The following GULP1 variants were observed in gnomAD, a reference collection of about 807,000 sequenced individuals.
The protein encoded by GULP1 is PTB domain-containing engulfment adapter protein 1.
GULP1 carries 19 observed loss-of-function variants against 40.9 expected under a neutral mutation model. The observed-to-expected ratio is 0.46, with a 90% confidence interval of 0.32 to 0.68. The LOEUF is 0.68. GULP1 is among the 30% of genes least tolerant of loss of function. The probability of loss-of-function intolerance (pLI) is 0.03; values close to 1 mark genes in which losing one functional copy is unlikely to be tolerated. For synonymous variants in GULP1, 119 were observed against 117.6 expected (o/e 1.01, Z -0.08); for missense variants, 312 against 362.2 (o/e 0.86, Z 1.12).
At chr2:188,587,092 G>T (rs572236918) in intron 10 of GULP1, among the ~76,000 whole-genome samples, 19 of 152,044 alleles carry the variant, frequency 1.2e-4, no homozygotes, top group South Asian at 4.1e-4. Context: ...TCAGAGGAAA[G>T]AAATTTCTTA....
rs567387723 is a variant in GULP1 at position 188,497,373 on chromosome 2, A to G, written c.90+13881A>G. Reference sequence around the variant, plus strand: ...TAGTAAATGGTCCAAACAACAGGACATTAATTGACTAAGTGGGTGCAGTGT... The same window carrying G: ...TAGTAAATGGTCCAAACAACAGGACGTTAATTGACTAAGTGGGTGCAGTGT... On this transcript the variant is annotated intron_variant, in intron 4 of 11. Transcript: ENST00000409830. 2.6e-5 allele frequency among the ~76,000 whole-genome samples: 4 copies of G among 152,188 alleles called. No homozygotes were observed. The East Asian group carries it at 7.8e-4, about 30-fold the overall frequency.
At chr2:188,507,008 C>T (rs2063982567) in intron 4 of GULP1, among the ~76,000 whole-genome samples, 1 of 151,912 alleles carries the variant, frequency 6.6e-6, no homozygotes, top group East Asian at 1.9e-4. Flanking sequence ...GAGAAAGTTA[C>T]TTTTTCTCTC....
chr2:188,451,688 C>G (rs1403781913), intron 2 of GULP1, among the ~76,000 whole-genome samples: 2 of 151,726 alleles, frequency 1.3e-5, no homozygotes, highest in Non-Finnish European at 2.9e-5. Flanking sequence ...TTTGCCTGCA[C>G]TTTGTAAACT....
rs1191836465 is a variant in GULP1 at position 188,594,143 on chromosome 2, CAGTT to C, written c.*134_*137del. On this transcript the variant is annotated 3_prime_UTR_variant, in exon 12 of 12. Transcript: ENST00000409830. ...TATTTTAATATTTTGAAAATTTTCT[CAGTT>C]AAATTTCCTCACCTTCACTATTGAT... 2.9e-4 allele frequency: 155 copies of C among 528,986 alleles called. 1 individual carries two copies. Among genetic ancestry groups the C allele is most frequent in the South Asian group, 3.6e-5 (1 of 28,028 alleles). 32.8% of individuals were successfully genotyped at this position (528,986 alleles called of 1,614,324 possible). A position where few individuals can be genotyped will look rare whatever the true frequency, so the allele number is the denominator to read the frequency against.
chr2:188,397,775 C>G (rs187850104), intron 2 of GULP1, among the ~76,000 whole-genome samples: 1 of 152,192 alleles, frequency 6.6e-6, no homozygotes, highest in Non-Finnish European at 1.5e-5. Context: ...GAGGCCACTT[C>G]CAGATTCAGC....
chr2:188,298,823 TTGA>T (rs2105986314), intron 1 of GULP1, among the ~76,000 whole-genome samples: 1 of 152,278 alleles, frequency 6.6e-6, no homozygotes, highest in South Asian at 2.1e-4. Flanking sequence ...CATTTTAGAC[TTGA>T]TGTTGTTGGA....
At chr2:188,527,360 A>C (rs533068401) in intron 5 of GULP1, among the ~76,000 whole-genome samples, 1 of 152,294 alleles carries the variant, frequency 6.6e-6, no homozygotes, top group East Asian at 1.9e-4. Context: ...TGCAGCTGAT[A>C]ATGAGAGTTG....
At chr2:188,458,690 T>C (rs1339954742) in intron 2 of GULP1, among the ~76,000 whole-genome samples, 1 of 152,192 alleles carries the variant, frequency 6.6e-6, no homozygotes, top group Non-Finnish European at 1.5e-5. Context: ...AATCTTATTA[T>C]ACTCTTAGCT....
intron 4 of GULP1, among the ~76,000 whole-genome samples, chr2:188,516,662 G>T (rs1410844215): frequency 1.3e-5 from 2 of 152,054 alleles, no homozygotes; most frequent in African/African-American, 2.4e-5. Context: ...ACCTGTAGAA[G>T]ATATTAAATC....
chr2:188,440,350 ACATAC>A (rs2057803974), intron 2 of GULP1, among the ~76,000 whole-genome samples: 1 of 152,200 alleles, frequency 6.6e-6, no homozygotes. Flanking sequence ...GTTGTCTAAA[ACATAC>A]CTATTTTAAA....
intron 1 of GULP1, among the ~76,000 whole-genome samples, chr2:188,356,052 T>C (rs1002343747): frequency 2.0e-5 from 3 of 152,070 alleles, no homozygotes; most frequent in African/African-American, 7.2e-5. Context: ...ATAAAAGCCA[T>C]GTATGACAAA....
intron 2 of GULP1, among the ~76,000 whole-genome samples, chr2:188,461,770 T>C (rs1418883619): frequency 6.6e-6 from 1 of 152,206 alleles, no homozygotes; most frequent in Non-Finnish European, 1.5e-5. Context: ...TTTGAATTTC[T>C]GGGATAGCAG....
At chr2:188,563,676 A>G (rs1046765708) in intron 7 of GULP1, among the ~76,000 whole-genome samples, 3 of 151,680 alleles carry the variant, frequency 2.0e-5, no homozygotes, top group African/African-American at 7.3e-5. Context: ...AAGCTCAGAT[A>G]GTTTCACTAT....
chr2:188,532,614 TC>T (rs1213878077), intron 6 of GULP1, among the ~76,000 whole-genome samples: 1 of 152,038 alleles, frequency 6.6e-6, no homozygotes, highest in Non-Finnish European at 1.5e-5. Context: ...GACTATTTGT[TC>T]CAATGAAAGA....
chr2:188,503,767 C>T (rs1253810867), intron 4 of GULP1, among the ~76,000 whole-genome samples: 1 of 151,798 alleles, frequency 6.6e-6, no homozygotes, highest in Non-Finnish European at 1.5e-5. Flanking sequence ...TAACACACAC[C>T]AAATCTTATA....
intron 7 of GULP1, among the ~76,000 whole-genome samples, chr2:188,556,243 C>G (rs970034070): frequency 6.6e-6 from 1 of 151,824 alleles, no homozygotes; most frequent in Non-Finnish European, 1.5e-5. Context: ...CTATTTTTAT[C>G]TTTATATTTG....
At chr2:188,560,414 A>C (rs1046251888) in intron 7 of GULP1, among the ~76,000 whole-genome samples, 1 of 152,188 alleles carries the variant, frequency 6.6e-6, no homozygotes, top group Non-Finnish European at 1.5e-5. Flanking sequence ...CTACATCACT[A>C]TTGGCATTTT....
At chr2:188,569,389 G>T in intron 8 of GULP1, 34 bp downstream of exon 8, 1 of 1,047,084 alleles carries the variant, frequency 9.6e-7, no homozygotes, top group African/African-American at 1.6e-5. Context: ...TTACATTTGT[G>T]TGATGTAAGT....
intron 2 of GULP1, among the ~76,000 whole-genome samples, chr2:188,474,575 A>T (rs1186730323): frequency 6.6e-6 from 1 of 152,110 alleles, no homozygotes; most frequent in Non-Finnish European, 1.5e-5. Flanking sequence ...AGCACTCAGA[A>T]ATGCTCCTGC....
Sources: allele counts gnomAD v4.1 joint callset (sites outside exome capture counted in the v4.1 genomes callset), GRCh38; gene constraint gnomAD v4.1.1; transcripts MANE v1.5; gene names NCBI Gene and HGNC (gene_info 2026-07-23, HGNC 2026-07-21).